The following PTPRJ variants were observed in gnomAD, a reference collection of about 807,000 sequenced individuals.
PTPRJ encodes the protein protein tyrosine phosphatase receptor type J.
Under a neutral mutation model 141.3 loss-of-function variants are expected in PTPRJ, and 129 were observed. The observed-to-expected ratio is 0.91, with a 90% CI of 0.79 to 1.06. The LOEUF (loss-of-function observed/expected upper bound fraction) is 1.06, where lower values mean the gene tolerates loss of function less well. Among genes scored for constraint, PTPRJ ranks in the 50% least tolerant of loss-of-function variants. The pLI is 0.00. For synonymous variants in PTPRJ, 610 were observed against 640.5 expected (o/e 0.95, Z 0.72); for missense variants, 1,601 against 1,679.7 (o/e 0.95, Z 0.82).
intron 1 of PTPRJ, among the ~76,000 whole-genome samples, chr11:47,999,877 G>GTTTTTTT (rs1555025391): frequency 1.5e-5 from 1 of 65,396 alleles, no homozygotes; most frequent in African/African-American, 4.3e-4. Context: ...TTTTTTTTGA[G>GTTTTTTT]TCAGAGTCTC....
At chr11:48,030,533 A>G (rs571493959) in intron 1 of PTPRJ, among the ~76,000 whole-genome samples, 1 of 152,238 alleles carries the variant, frequency 6.6e-6, no homozygotes, top group South Asian at 2.1e-4. Flanking sequence ...ACCTGAGGTC[A>G]GGAGTTCGAG....
At chr11:47,987,686 A>G (rs926855183) in intron 1 of PTPRJ, among the ~76,000 whole-genome samples, 1 of 152,216 alleles carries the variant, frequency 6.6e-6, no homozygotes, top group Admixed American at 6.5e-5. Context: ...ATCTTAGACC[A>G]GAGAAGCCCA....
intron 1 of PTPRJ, among the ~76,000 whole-genome samples, chr11:48,060,831 A>G (rs575306717): frequency 1.1e-4 from 17 of 152,154 alleles, no homozygotes; most frequent in African/African-American, 3.9e-4. Flanking sequence ...AGGGGCTGAG[A>G]TTTGTTCCTG....
intron 1 of PTPRJ, among the ~76,000 whole-genome samples, chr11:48,026,767 G>A (rs1293023921): frequency 1.3e-5 from 2 of 151,638 alleles, no homozygotes; most frequent in African/African-American, 4.8e-5. Flanking sequence ...TTCTTTAGTG[G>A]TGATTTGTGA....
At chr11:48,072,755 C>T (rs1032127449) in intron 1 of PTPRJ, among the ~76,000 whole-genome samples, 9 of 152,022 alleles carry the variant, frequency 5.9e-5, no homozygotes, top group African/African-American at 1.2e-4. Context: ...TGATATACTG[C>T]GCTACTGGTG....
chr11:48,137,315 C>T (rs374046141), intron 10 of PTPRJ, 34 bp downstream of exon 10: 39 of 1,596,850 alleles, frequency 2.4e-5, no homozygotes, highest in African/African-American at 4.0e-5. Context: ...TTGGACTCCT[C>T]CCTGAGTGGT....
Position 47,980,884 on chromosome 11 carries a change from T to A in PTPRJ, c.-29T>A, listed in dbSNP as rs1333991301. The A allele has an allele frequency of 1.8e-6, 2 of 1,121,428 alleles. No individual in the cohort carries two copies. The highest frequency in any genetic ancestry group is 1.7e-5 in the African/African-American group (1 of 59,948). The allele number at this position is 1,121,428 out of a possible 1,614,324, so 69.5% of individuals were successfully genotyped here. ...CGCACGGCGGGGCCCGATTCGCGCG[T>A]CCGGGGCACGTTCCAGGGCGCGCGG... On this transcript the variant is annotated 5_prime_UTR_variant, in exon 1 of 25. Transcript: ENST00000418331.
chr11:48,170,782 G>C lies in PTPRJ; in HGVS notation c.*3420G>C, dbSNP rs541637197. On this transcript the variant is annotated 3_prime_UTR_variant, in exon 25 of 25. Transcript: ENST00000418331. Reference sequence around the variant, plus strand: ...TTTTTTTTTTTTTAAGGAAAAAATGGCCTGAAAACATTTTTTTAAAGACTT... The same window carrying C: ...TTTTTTTTTTTTTAAGGAAAAAATGCCCTGAAAACATTTTTTTAAAGACTT... The C allele has an allele frequency of 6.6e-6, 1 of 150,470 alleles. No homozygotes were observed. Among genetic ancestry groups the C allele is most frequent in the African/African-American group, 2.4e-5 (1 of 40,914 alleles). The allele number at this position is 150,470 out of a possible 1,614,324, so 9.3% of individuals were successfully genotyped here. A position where few individuals can be genotyped will look rare whatever the true frequency, so the allele number is the denominator to read the frequency against.
chr11:48,094,588 G>A (rs1855954055), intron 1 of PTPRJ, among the ~76,000 whole-genome samples: 1 of 152,108 alleles, frequency 6.6e-6, no homozygotes, highest in Non-Finnish European at 1.5e-5. Context: ...TCTAATACAA[G>A]GATTTGGAGA....
chr11:48,093,358 A>G (rs1164242466), intron 1 of PTPRJ, among the ~76,000 whole-genome samples: 1 of 152,254 alleles, frequency 6.6e-6, no homozygotes, highest in Non-Finnish European at 1.5e-5. Flanking sequence ...GAATTTCATT[A>G]CATGTTTGGT....
intron 1 of PTPRJ, among the ~76,000 whole-genome samples, chr11:48,033,855 T>C (rs572917010): frequency 6.6e-6 from 1 of 152,186 alleles, no homozygotes; most frequent in Non-Finnish European, 1.5e-5. Flanking sequence ...CGGAAGTCTT[T>C]GTGGATCTTT....
At position 47,988,022 on chromosome 11, in the gene PTPRJ, A is replaced by G. The variant is rs1854093466; in HGVS notation, c.96+7014A>G. On this transcript the variant is annotated intron_variant, in intron 1 of 24. Coordinates refer to ENST00000418331, the MANE Select transcript of PTPRJ (RefSeq NM_002843.4). ...GCCATTTCTGAAACTTGGGCGGACA[A>G]TGTCGTTATTGTGTTACAAACGATT... Among the ~76,000 whole-genome samples the G allele has an allele frequency of 2.0e-5, 3 of 152,270 alleles. 1 individual carries two copies. Among genetic ancestry groups the G allele is most frequent in the South Asian group, 4.1e-4 (2 of 4,838 alleles).
chr11:48,156,157 A>G (rs988444362), intron 21 of PTPRJ, 38 bp downstream of exon 21: 4 of 1,499,666 alleles, frequency 2.7e-6, no homozygotes, highest in Non-Finnish European at 3.7e-6. Flanking sequence ...TTAAAATTAC[A>G]TTAATTGCTT....
intron 1 of PTPRJ, among the ~76,000 whole-genome samples, chr11:48,035,297 T>C (rs1854091670): frequency 6.6e-6 from 1 of 152,214 alleles, no homozygotes; most frequent in Non-Finnish European, 1.5e-5. Flanking sequence ...TGTCCCTTGC[T>C]CCATTTTAAG....
At chr11:48,136,922 C>G in intron 9 of PTPRJ, 81 bp from the exon 10 acceptor site, 1 of 1,366,206 alleles carries the variant, frequency 7.3e-7, no homozygotes, top group South Asian at 1.4e-5. Flanking sequence ...ACGAGCCAGG[C>G]TATTTTTGGA....
intron 1 of PTPRJ, among the ~76,000 whole-genome samples, chr11:48,100,415 G>A (rs1460382740): frequency 6.6e-6 from 1 of 152,146 alleles, no homozygotes; most frequent in Non-Finnish European, 1.5e-5. Flanking sequence ...TTTATTGTGT[G>A]CCCCTCGTAT....
intron 1 of PTPRJ, among the ~76,000 whole-genome samples, chr11:48,071,919 T>TA (rs1182653860): frequency 1.4e-5 from 2 of 141,834 alleles, no homozygotes; most frequent in African/African-American, 5.3e-5. Context: ...TTTTTTTTTT[T>TA]TTTTGAGACA....
intron 1 of PTPRJ, among the ~76,000 whole-genome samples, chr11:48,025,361 T>A (rs1853779047): frequency 6.6e-6 from 1 of 152,170 alleles, no homozygotes; most frequent in Non-Finnish European, 1.5e-5. Flanking sequence ...CCAGGTTAAG[T>A]GATGTCCCCT....
At chr11:48,050,935 T>C (rs1170646094) in intron 1 of PTPRJ, among the ~76,000 whole-genome samples, 5 of 152,060 alleles carry the variant, frequency 3.3e-5, no homozygotes, top group Non-Finnish European at 7.4e-5. Context: ...ATACATCTCA[T>C]GGGAGTGGCT....
Sources: gnomAD v4.1 joint callset for allele counts (sites outside exome capture counted in the v4.1 genomes callset) on GRCh38, gnomAD v4.1.1 for gene constraint, MANE v1.5 for transcripts, NCBI Gene and HGNC (gene_info 2026-07-23, HGNC 2026-07-21) for gene names.